Variants in HLTF observed in about 807,000 individuals in gnomAD.
HLTF encodes the protein helicase like transcription factor.
Under a neutral mutation model 129.4 loss-of-function variants are expected in HLTF, and 127 were observed. The ratio of observed to expected loss-of-function variants is 0.98; its 90% CI spans 0.85 to 1.14. HLTF has a LOEUF of 1.14. Among genes scored for constraint, HLTF ranks in the 50% most tolerant of loss-of-function variants. The pLI is 0.00. For synonymous variants in HLTF, 332 were observed against 388.8 expected (o/e 0.85, Z 1.72); for missense variants, 1,139 against 1,187.1 (o/e 0.96, Z 0.60).
At chr3:149,057,003 G>T (rs1717498237) in intron 13 of HLTF, among the ~76,000 whole-genome samples, 1 of 151,032 alleles carries the variant, frequency 6.6e-6, no homozygotes, top group African/African-American at 2.4e-5. Flanking sequence ...CAGCTACTCG[G>T]GAGGCTGAGG....
At chr3:149,065,769 G>A (rs1353995450) in intron 8 of HLTF, among the ~76,000 whole-genome samples, 6 of 152,270 alleles carry the variant, frequency 3.9e-5, no homozygotes, top group Non-Finnish European at 7.3e-5. Flanking sequence ...GGTGGAGGTT[G>A]TAGTGAGCCA....
At chr3:149,066,407 G>A (rs966637281) in intron 8 of HLTF, among the ~76,000 whole-genome samples, 22 of 152,108 alleles carry the variant, frequency 1.4e-4, no homozygotes, top group African/African-American at 4.8e-4. Flanking sequence ...AAAGTTCAAA[G>A]ATAAACTTTT....
intron 7 of HLTF, 46 bp downstream of exon 7, chr3:149,071,206 A>C: frequency 8.1e-7 from 1 of 1,236,930 alleles, no homozygotes; most frequent in Non-Finnish European, 1.1e-6. Context: ...CTAGAAAATC[A>C]TAATCACAAA....
At chr3:149,035,995 C>G (rs1193141185) in intron 23 of HLTF, among the ~76,000 whole-genome samples, 2 of 149,816 alleles carry the variant, frequency 1.3e-5, no homozygotes, top group African/African-American at 4.9e-5. Context: ...ATTAGCCGGG[C>G]GTGGTGGCAG....
In HLTF at chr3:149,040,025, C is replaced by G. The variant is rs765757055; in HGVS notation, c.2502+6G>C. On this transcript the variant is annotated splice_donor_region_variant and intron_variant, in intron 21 of 24. Transcript: ENST00000310053. ...ATACTCAAATATTTGCACATGAGTA[C>G]TTTACCTTTGAACTGGATGTCCATT... The G allele has an allele frequency of 3.1e-6, 5 of 1,607,388 alleles. No individual in the cohort carries two copies. In the East Asian group the frequency reaches 1.1e-4, roughly 36 times the overall value.
Position 149,046,269 on chromosome 3 carries a change from A to C in HLTF, c.1893-10T>G. On this transcript the variant is annotated splice_polypyrimidine_tract_variant and intron_variant, in intron 17 of 24. Transcript: ENST00000310053. Reference sequence around the variant, plus strand: ...TAGGGACTGTAAACGCCTAATCAGAATAAAACAAATAATTATGTAACTTTT... The same window carrying C: ...TAGGGACTGTAAACGCCTAATCAGACTAAAACAAATAATTATGTAACTTTT... The C allele has an allele frequency of 1.5e-6, 2 of 1,342,730 alleles. No homozygotes were observed. The highest frequency in any genetic ancestry group is 2.7e-5 in the South Asian group (2 of 74,934). The allele number at this position is 1,342,730 out of a possible 1,614,324, so 83.2% of individuals were successfully genotyped here.
intron 18 of HLTF, among the ~76,000 whole-genome samples, chr3:149,042,547 G>A (rs1257564378): frequency 2.0e-5 from 3 of 151,590 alleles, no homozygotes; most frequent in Non-Finnish European, 4.4e-5. Flanking sequence ...ATCTCAAACA[G>A]AGCTGCCAAA....
In HLTF at chr3:149,059,729, AT is replaced by A. The variant is rs780794801; in HGVS notation, c.1363del (p.Met455CysfsTer2). On this transcript the variant is annotated frameshift_variant, in exon 13 of 25. Transcript: ENST00000310053. LOFTEE classifies it high-confidence loss of function. ...GGATATTTACTGACCCTTTTTCAAC[AT>A]TTTCTTTTTTGTTGTAGGAACAGAT... is the stretch of plus-strand genomic sequence containing the variant. ...TSSVPTTKKK[M>X]LKKGACAVEG... is the part of the protein sequence containing the mutation. The A allele has an allele frequency of 2.5e-6, 4 of 1,589,378 alleles. No homozygotes were observed. Among genetic ancestry groups the A allele is most frequent in the Admixed American group, 1.8e-5 (1 of 56,144 alleles).
chr3:149,071,995 G>C (rs1390957168), intron 5 of HLTF, among the ~76,000 whole-genome samples: 4 of 152,160 alleles, frequency 2.6e-5, no homozygotes, highest in Non-Finnish European at 5.9e-5. Flanking sequence ...AGAGGATAGA[G>C]TGAACCATGA....
chr3:149,036,296 G>GTTTTTTTTTTTT (rs1553736642), intron 23 of HLTF, among the ~76,000 whole-genome samples: 6 of 57,576 alleles, frequency 1.0e-4, no homozygotes, highest in South Asian at 8.1e-4. Context: ...AAAACTATGA[G>GTTTTTTTTTTTT]GTTTTTTTTT....
At position 149,068,307 on chromosome 3, in the gene HLTF, AT is replaced by A; in HGVS notation, c.922del (p.Ile308SerfsTer21). On this transcript the variant is annotated frameshift_variant, in exon 8 of 25. Coordinates refer to ENST00000310053, the MANE Select transcript of HLTF (RefSeq NM_003071.4). LOFTEE classifies it high-confidence loss of function. Reference sequence around the variant, plus strand: ...TCTGCCATCATGGAAGTTGGTAAGGATTACTGCAATGGCCGTAAGAGTTTTA... The same window carrying A: ...TCTGCCATCATGGAAGTTGGTAAGGATACTGCAATGGCCGTAAGAGTTTTA... ...LGKTLTAIAV[I>X]LTNFHDGRPL... 1 of 1,561,530 alleles carries A rather than the reference AT, an allele frequency of 6.4e-7. No homozygotes were observed.
intron 24 of HLTF, among the ~76,000 whole-genome samples, chr3:149,033,050 A>G (rs929398639): frequency 3.3e-5 from 5 of 152,080 alleles, no homozygotes; most frequent in African/African-American, 1.2e-4. Context: ...AGAAAAATAA[A>G]ACGTGATCAT....
intron 7 of HLTF, among the ~76,000 whole-genome samples, chr3:149,069,373 AG>A (rs1718661274): frequency 6.6e-6 from 1 of 151,834 alleles, no homozygotes; most frequent in South Asian, 2.1e-4. Flanking sequence ...TGGGAGGCTA[AG>A]GAAGGAGAAT....
intron 21 of HLTF, 36 bp from the exon 22 acceptor site, chr3:149,039,729 T>C (rs1354909216): frequency 9.3e-7 from 1 of 1,076,240 alleles, no homozygotes; most frequent in African/African-American, 1.6e-5. Flanking sequence ...TAGATTCCAT[T>C]TTAAATCAGT....
At chr3:149,034,250 C>T (rs1715379728) in intron 24 of HLTF, among the ~76,000 whole-genome samples, 1 of 151,846 alleles carries the variant, frequency 6.6e-6, no homozygotes, top group Admixed American at 6.6e-5. Flanking sequence ...TTAACTTATC[C>T]CAAAGAATTA....
chr3:149,053,400 T>C (rs1245084372), intron 14 of HLTF, among the ~76,000 whole-genome samples: 1 of 152,124 alleles, frequency 6.6e-6, no homozygotes, highest in Non-Finnish European at 1.5e-5. Flanking sequence ...GTAGCACCTC[T>C]CCACTCTCTC....
chr3:149,047,456 A>G (rs1159525210), intron 17 of HLTF, among the ~76,000 whole-genome samples: 1 of 152,194 alleles, frequency 6.6e-6, no homozygotes, highest in East Asian at 1.9e-4. Context: ...AGCCTGGCCA[A>G]CATGGCGAAA....
Position 149,055,397 on chromosome 3 carries a change from G to T in HLTF, c.1379C>A (p.Ala460Asp), listed in dbSNP as rs754933188. Residue 460 changes from alanine to aspartate, a missense_variant, in exon 14 of 25, where the codon GCT (alanine) becomes GAT (aspartate). Physicochemically the swap from Ala to Asp is moderately radical, Grantham distance 126. Coordinates refer to ENST00000310053, the MANE Select transcript of HLTF (RefSeq NM_003071.4). Reference protein sequence around the residue: ...TTKKKMLKKGACAVEGSKKTD... With the variant: ...TTKKKMLKKGDCAVEGSKKTD... ...TTTCTTTGACCCCTCCACTGCACAA[G>T]CTCCTAAAAAAATGAACCACTGATA... is the stretch of plus-strand genomic sequence containing the variant. 1 of 1,610,360 alleles carries T rather than the reference G, an allele frequency of 6.2e-7. No homozygotes were observed. Among genetic ancestry groups the T allele is most frequent in the Admixed American group, 1.7e-5 (1 of 59,942 alleles).
intron 18 of HLTF, among the ~76,000 whole-genome samples, chr3:149,043,244 T>C (rs1004088513): frequency 1.3e-5 from 2 of 150,998 alleles, no homozygotes; most frequent in African/African-American, 4.9e-5. Context: ...CTGAAACCAA[T>C]ATAAGCCAAT....
Sources: allele counts gnomAD v4.1 joint callset (sites outside exome capture counted in the v4.1 genomes callset), GRCh38; gene constraint gnomAD v4.1.1; transcripts MANE v1.5; gene names NCBI Gene and HGNC (gene_info 2026-07-23, HGNC 2026-07-21).